The following COL23A1 variants were observed in gnomAD, a reference collection of about 807,000 sequenced individuals.
COL23A1 encodes the protein collagen type XXIII alpha 1 chain, also known as collagen alpha-1(XXIII) chain.
COL23A1 carries 97 observed loss-of-function variants against 99.3 expected under a neutral mutation model. The ratio of observed to expected loss-of-function variants is 0.98; its 90% CI spans 0.83 to 1.16. The LOEUF (loss-of-function observed/expected upper bound fraction) is 1.16. Among genes scored for constraint, COL23A1 ranks in the 50% most tolerant of loss-of-function variants. COL23A1 has a pLI of 0.00. For synonymous variants in COL23A1, 320 were observed against 308.2 expected, an observed-to-expected ratio of 1.04 and a Z score of -0.40; for missense variants, 762 against 757.4, an observed-to-expected ratio of 1.01 and a Z score of -0.07.
At chr5:178,413,561 G>C (rs1016806705) in intron 2 of COL23A1, among the ~76,000 whole-genome samples, 1 of 152,224 alleles carries the variant, frequency 6.6e-6, no homozygotes, top group South Asian at 2.1e-4. Context: ...ATAAGACATG[G>C]TTTCTGATCT....
In COL23A1 at chr5:178,539,545, CAAAAAAAAAAAA is replaced by C. The variant is rs58424731; in HGVS notation, c.361+21125_361+21136del. 1.4e-4 allele frequency among the ~76,000 whole-genome samples: 11 copies of C among 78,390 alleles called. No homozygotes were observed. In the East Asian group the frequency reaches 2.8e-3, roughly 20 times the overall value. The allele number at this position is 78,390 out of a possible 152,430, so 51.4% of individuals were successfully genotyped here. ...TGGGTGACAGAGCAAGACTCTGTCT[CAAAAAAAAAAAA>C]AAAAAAAAAAAGAAAAAGAAAGAAA... On this transcript the variant is annotated intron_variant, in intron 2 of 28. Coordinates refer to ENST00000390654, the MANE Select transcript of COL23A1 (RefSeq NM_173465.4).
chr5:178,368,168 C>T (rs954131227), intron 2 of COL23A1, among the ~76,000 whole-genome samples: 7 of 152,188 alleles, frequency 4.6e-5, no homozygotes, highest in African/African-American at 1.7e-4. Flanking sequence ...TTGTCTAGAA[C>T]TTTCCATGTG....
chr5:178,367,577 C>G (rs570484379), intron 2 of COL23A1, among the ~76,000 whole-genome samples: 1 of 152,094 alleles, frequency 6.6e-6, no homozygotes, highest in South Asian at 2.1e-4. Context: ...TCCCACTGTA[C>G]GAGCCGGGAG....
intron 2 of COL23A1, among the ~76,000 whole-genome samples, chr5:178,350,391 G>A (rs978674483): frequency 4.6e-5 from 7 of 152,188 alleles, no homozygotes; most frequent in South Asian, 4.1e-4. Context: ...GTGTGGCTGC[G>A]TGAAGTTGGG....
At chr5:178,552,518 T>C (rs1762049516) in intron 2 of COL23A1, among the ~76,000 whole-genome samples, 1 of 152,044 alleles carries the variant, frequency 6.6e-6, no homozygotes, top group Non-Finnish European at 1.5e-5. Context: ...TATACGTGTA[T>C]CATTTTAAAA....
chr5:178,557,015 G>A (rs920961796), intron 2 of COL23A1, among the ~76,000 whole-genome samples: 4 of 152,140 alleles, frequency 2.6e-5, no homozygotes, highest in Non-Finnish European at 5.9e-5. Flanking sequence ...CAGGTCTGCC[G>A]TGGCAAAAAA....
chr5:178,436,383 A>G (rs1403408237), intron 2 of COL23A1, among the ~76,000 whole-genome samples: 1 of 151,850 alleles, frequency 6.6e-6, no homozygotes. Flanking sequence ...GGGAGAGGGC[A>G]AGAACCTCAG....
At chr5:178,359,526 C>T (rs1034382479) in intron 2 of COL23A1, among the ~76,000 whole-genome samples, 1 of 152,034 alleles carries the variant, frequency 6.6e-6, no homozygotes, top group African/African-American at 2.4e-5. Context: ...AAACTCTTGT[C>T]TCAAAAAAAA....
At chr5:178,548,915 A>G (rs1452500753) in intron 2 of COL23A1, among the ~76,000 whole-genome samples, 3 of 152,184 alleles carry the variant, frequency 2.0e-5, no homozygotes, top group Non-Finnish European at 2.9e-5. Context: ...TAGTATGTTC[A>G]TACACTGCGA....
Position 178,444,038 on chromosome 5 carries a change from C to T in COL23A1, c.361+116644G>A, listed in dbSNP as rs568863106. 5.9e-5 allele frequency among the ~76,000 whole-genome samples: 9 copies of T among 151,966 alleles called. No homozygotes were observed. The South Asian group carries it at 6.2e-4, about 11-fold the overall frequency. ...GCAACATGGTGAAACCCTGCCTCTA[C>T]AAAAAATAAAAAAATTAGCCAGGTG... On this transcript the variant is annotated intron_variant, in intron 2 of 28. Transcript: ENST00000390654.
At chr5:178,269,433 A>AT (rs1756122418) in intron 6 of COL23A1, among the ~76,000 whole-genome samples, 3 of 98,062 alleles carry the variant, frequency 3.1e-5, no homozygotes, top group African/African-American at 1.3e-4. Context: ...CCATCCACCC[A>AT]CCCACCCATC....
In COL23A1 at chr5:178,242,044, C is replaced by G. The variant is rs751501626; in HGVS notation, c.1579G>C (p.Val527Leu). Residue 527 changes from valine (V) to leucine (L), a missense_variant and splice_region_variant, in exon 27 of 29, where the codon GTG (valine) becomes CTG (leucine). Physicochemically the swap from Val to Leu is conservative, Grantham distance 32. Coordinates refer to ENST00000390654, the MANE Select transcript of COL23A1 (RefSeq NM_173465.4). ...GPPGLDQPCP[V>L]GPDGLPVPGC... ...CAGGGCCCTCCTCCGACACCTACCACGGGACACGGCTGGTCCAGGCCTGGT... is the reference window on the plus strand; with the variant it reads ...CAGGGCCCTCCTCCGACACCTACCAGGGGACACGGCTGGTCCAGGCCTGGT... 35 of 1,553,588 alleles carry G rather than the reference C, an allele frequency of 2.3e-5. No individual in the cohort carries two copies. Among genetic ancestry groups the G allele is most frequent in the Non-Finnish European group, 3.0e-5 (34 of 1,147,878 alleles).
At chr5:178,362,888 C>G (rs1461994754) in intron 2 of COL23A1, among the ~76,000 whole-genome samples, 1 of 141,026 alleles carries the variant, frequency 7.1e-6, no homozygotes, top group Admixed American at 7.2e-5. Flanking sequence ...GACACATCCA[C>G]CCCCACAGCA....
At chr5:178,406,841 A>G (rs1346058875) in intron 2 of COL23A1, among the ~76,000 whole-genome samples, 1 of 152,260 alleles carries the variant, frequency 6.6e-6, no homozygotes, top group Non-Finnish European at 1.5e-5. Context: ...GACTAGCCAG[A>G]TTAAGAATTT....
rs536993869 is a variant in COL23A1, at chr5:178,247,096, C to G, written c.1296+430G>C. On this transcript the variant is annotated intron_variant, in intron 22 of 28. Coordinates refer to ENST00000390654, the MANE Select transcript of COL23A1 (RefSeq NM_173465.4). ...GGACTTAACGTAAGAGCAGGGAACA[C>G]GCCATCATGTAATATACACCAAGCC... Among the ~76,000 whole-genome samples, 270 of 152,146 alleles carry G rather than the reference C, an allele frequency of 1.8e-3. 1 individual carries two copies. The highest frequency in any genetic ancestry group is 4.8e-3 in the South Asian group (23 of 4,822).
At position 178,305,864 on chromosome 5, in the gene COL23A1, G is replaced by T. The variant is rs559160123; in HGVS notation, c.406+1011C>A. On this transcript the variant is annotated intron_variant, in intron 3 of 28. Transcript: ENST00000390654. ...TGGGGACTTGGCGTGGGCAGGGAAG[G>T]GATCGAGGATGCAGCCAGGTGTCTA... 1.5e-3 allele frequency among the ~76,000 whole-genome samples: 232 copies of T among 152,204 alleles called. 2 individuals carry two copies. Among genetic ancestry groups the T allele is most frequent in the African/African-American group, 5.0e-3 (207 of 41,522 alleles).
chr5:178,459,165 A>G (rs894193757), intron 2 of COL23A1, among the ~76,000 whole-genome samples: 4 of 152,232 alleles, frequency 2.6e-5, no homozygotes, highest in African/African-American at 7.2e-5. Context: ...GAACTTGCAC[A>G]TCAACTGGAT....
chr5:178,274,310 G>A (rs988927420), intron 5 of COL23A1, among the ~76,000 whole-genome samples: 16 of 152,222 alleles, frequency 1.1e-4, no homozygotes, highest in Admixed American at 7.2e-4. Context: ...GGTGGAGTGG[G>A]GGCTGAGCCT....
chr5:178,239,092 C>T (rs1764256350), intron 28 of COL23A1, 49 bp downstream of exon 28: 2 of 1,607,668 alleles, frequency 1.2e-6, no homozygotes, highest in Admixed American at 1.7e-5. Context: ...ATTCCCCCAC[C>T]CTCCCCTGCC....
Sources: allele counts gnomAD v4.1 joint callset (sites outside exome capture counted in the v4.1 genomes callset), GRCh38; gene constraint gnomAD v4.1.1; transcripts MANE v1.5; gene names NCBI Gene and HGNC (gene_info 2026-07-23, HGNC 2026-07-21).